The following CNTNAP2 variants were observed in gnomAD, a reference collection of about 807,000 sequenced individuals.
The protein encoded by CNTNAP2 is contactin associated protein 2, also known as contactin-associated protein-like 2.
CNTNAP2 carries 98 observed loss-of-function variants against 155.2 expected under a neutral mutation model. The observed-to-expected ratio is 0.63, with a 90% CI of 0.54 to 0.75. The LOEUF is 0.75. Ranked by LOEUF, CNTNAP2 falls within the 30% of genes least tolerant of loss-of-function variation. The pLI is 0.00. For missense variants in CNTNAP2, 1,727 were observed against 1,688.1 expected, an observed-to-expected ratio of 1.02 and a Z score of -0.40; for synonymous variants, 651 against 631.2, an observed-to-expected ratio of 1.03 and a Z score of -0.47.
intron 1 of CNTNAP2, among the ~76,000 whole-genome samples, chr7:146,244,198 C>A (rs576028302): frequency 1.3e-5 from 2 of 152,114 alleles, no homozygotes; most frequent in African/African-American, 4.8e-5. Flanking sequence ...TCAGCATAGT[C>A]CTGCCAGCAA....
rs11397176 is a variant in CNTNAP2, at chr7:146,742,067, T to TAAA, written c.98-32193_98-32191dup. Among the ~76,000 whole-genome samples, 4 of 146,718 alleles carry TAAA rather than the reference T, an allele frequency of 2.7e-5. No individual in the cohort carries two copies. In the East Asian group the frequency reaches 8.1e-4, roughly 30 times the overall value. On this transcript the variant is annotated intron_variant, in intron 1 of 23. Coordinates refer to ENST00000361727, the MANE Select transcript of CNTNAP2 (RefSeq NM_014141.6). ...TCTTGCTTCTCCTTTTAGACTGTGT[T>TAAA]AAAAAAAAAAAAAGAAAATTTAAGC... is the stretch of plus-strand genomic sequence containing the variant.
At chr7:147,763,985 A>G (rs1280632444) in intron 13 of CNTNAP2, among the ~76,000 whole-genome samples, 1 of 152,102 alleles carries the variant, frequency 6.6e-6, no homozygotes, top group Non-Finnish European at 1.5e-5. Context: ...AAGGAGCTCA[A>G]ATTTACTCTT....
intron 10 of CNTNAP2, among the ~76,000 whole-genome samples, chr7:147,444,491 T>C (rs1483060800): frequency 1.3e-5 from 2 of 151,856 alleles, no homozygotes; most frequent in African/African-American, 4.8e-5. Flanking sequence ...TTTAGAAATT[T>C]CATAACGTAT....
At chr7:147,521,031 G>A (rs1015384543) in intron 11 of CNTNAP2, among the ~76,000 whole-genome samples, 4 of 152,198 alleles carry the variant, frequency 2.6e-5, no homozygotes, top group African/African-American at 7.2e-5. Context: ...TGTGAGCAAC[G>A]CTTTGGATCA....
intron 15 of CNTNAP2, among the ~76,000 whole-genome samples, chr7:148,045,820 C>G (rs1196082457): frequency 6.6e-6 from 1 of 152,152 alleles, no homozygotes; most frequent in Non-Finnish European, 1.5e-5. Context: ...AACAGATAAA[C>G]AGTTCATATG....
chr7:147,841,303 C>T (rs1028089216), intron 13 of CNTNAP2, among the ~76,000 whole-genome samples: 9 of 152,108 alleles, frequency 5.9e-5, no homozygotes, highest in African/African-American at 2.2e-4. Context: ...GAGAGGTAAT[C>T]GCCAACAAAC....
intron 1 of CNTNAP2, among the ~76,000 whole-genome samples, chr7:146,760,859 A>G (rs1802085780): frequency 6.6e-6 from 1 of 152,128 alleles, no homozygotes; most frequent in Admixed American, 6.5e-5. Context: ...ACTACACTCA[A>G]TGAAGGAGCC....
intron 1 of CNTNAP2, among the ~76,000 whole-genome samples, chr7:146,590,517 A>G (rs981604484): frequency 6.6e-6 from 1 of 152,166 alleles, no homozygotes; most frequent in African/African-American, 2.4e-5. Context: ...CCAACTCTTA[A>G]TGACAGTACA....
chr7:147,472,204 C>CTTTTTTTTTTTTT (rs542047274), intron 10 of CNTNAP2, among the ~76,000 whole-genome samples: 2 of 81,072 alleles, frequency 2.5e-5, no homozygotes, highest in African/African-American at 1.0e-4. Context: ...TCTTTTTTTC[C>CTTTTTTTTTTTTT]TTTTTTTTTT....
intron 12 of CNTNAP2, among the ~76,000 whole-genome samples, chr7:147,619,974 C>G (rs1460509326): frequency 1.3e-5 from 2 of 152,110 alleles, no homozygotes; most frequent in African/African-American, 4.8e-5. Context: ...TTCAGTGGCT[C>G]AGAACAGAGA....
chr7:146,531,444 G>T (rs1009797313), intron 1 of CNTNAP2, among the ~76,000 whole-genome samples: 1 of 152,086 alleles, frequency 6.6e-6, no homozygotes, highest in African/African-American at 2.4e-5. Flanking sequence ...AAGCATATAT[G>T]AAATATATGG....
intron 13 of CNTNAP2, among the ~76,000 whole-genome samples, chr7:147,778,354 G>T (rs1029372773): frequency 1.3e-5 from 2 of 152,168 alleles, no homozygotes; most frequent in African/African-American, 4.8e-5. Flanking sequence ...TTGTCATCAT[G>T]CTATAGTCTT....
At chr7:147,448,661 T>G (rs1433855962) in intron 10 of CNTNAP2, among the ~76,000 whole-genome samples, 1 of 151,974 alleles carries the variant, frequency 6.6e-6, no homozygotes, top group Non-Finnish European at 1.5e-5. Flanking sequence ...TATTTTCATA[T>G]TTTAGGTCAT....
chr7:148,127,178 C>G (rs971948081), intron 16 of CNTNAP2, among the ~76,000 whole-genome samples: 1 of 151,920 alleles, frequency 6.6e-6, no homozygotes, highest in African/African-American at 2.4e-5. Flanking sequence ...GGTGGCACAC[C>G]CCTGTGATCC....
intron 1 of CNTNAP2, among the ~76,000 whole-genome samples, chr7:146,500,014 T>G (rs1467714571): frequency 6.6e-6 from 1 of 152,232 alleles, no homozygotes; most frequent in Non-Finnish European, 1.5e-5. Context: ...AATTTTATTT[T>G]CAGATTGTTT....
intron 11 of CNTNAP2, among the ~76,000 whole-genome samples, chr7:147,527,107 C>T (rs182725517): frequency 7.3e-4 from 102 of 139,354 alleles, no homozygotes; most frequent in African/African-American, 2.5e-3. Context: ...ACTGCAAGCT[C>T]CATCTCCTGG....
chr7:148,310,217 T>C (rs1293950700), intron 21 of CNTNAP2, among the ~76,000 whole-genome samples: 1 of 152,190 alleles, frequency 6.6e-6, no homozygotes, highest in Non-Finnish European at 1.5e-5. Flanking sequence ...ACTTACTTGG[T>C]TGGCAAGTTT....
chr7:147,484,855 T>C (rs999766758), intron 10 of CNTNAP2, among the ~76,000 whole-genome samples: 7 of 152,246 alleles, frequency 4.6e-5, no homozygotes, highest in African/African-American at 1.7e-4. Context: ...TCTGCTATTT[T>C]AATCTGGGAA....
At chr7:148,286,743 T>C (rs1797090776) in intron 21 of CNTNAP2, among the ~76,000 whole-genome samples, 1 of 152,184 alleles carries the variant, frequency 6.6e-6, no homozygotes, top group Non-Finnish European at 1.5e-5. Flanking sequence ...ATCGTGTGGA[T>C]TAATAGTTTG....
Sources: allele counts gnomAD v4.1 joint callset (sites outside exome capture counted in the v4.1 genomes callset), GRCh38; gene constraint gnomAD v4.1.1; transcripts MANE v1.5; gene names NCBI Gene and HGNC (gene_info 2026-07-23, HGNC 2026-07-21).